Variants in ADAMTS6 observed in about 807,000 individuals in gnomAD.
The protein encoded by ADAMTS6 is A disintegrin and metalloproteinase with thrombospondin motifs 6.
A neutral mutation model predicts 144.3 loss-of-function variants in ADAMTS6; 23 were observed. The ratio of observed to expected loss-of-function variants is 0.16; its 90% CI spans 0.11 to 0.23. The LOEUF is 0.23. Among genes scored for constraint, ADAMTS6 ranks in the 10% least tolerant of loss-of-function variants. The probability of loss-of-function intolerance (pLI) is 1.00; values close to 1 mark genes in which losing one functional copy is unlikely to be tolerated. For synonymous variants in ADAMTS6, 444 were observed against 457.5 expected (o/e 0.97, Z 0.38); for missense variants, 999 against 1,379.6 (o/e 0.72, Z 4.37).
intron 24 of ADAMTS6, among the ~76,000 whole-genome samples, chr5:65,159,898 C>A (rs1268430173): frequency 1.3e-5 from 2 of 152,172 alleles, no homozygotes; most frequent in African/African-American, 2.4e-5. Context: ...AATGATAATG[C>A]TATGGTTTGG....
intron 15 of ADAMTS6, among the ~76,000 whole-genome samples, chr5:65,235,017 T>A (rs776382693): frequency 6.6e-6 from 1 of 152,168 alleles, no homozygotes; most frequent in Non-Finnish European, 1.5e-5. Context: ...CTCACTTATA[T>A]GTGGAATCTA....
intron 9 of ADAMTS6, among the ~76,000 whole-genome samples, chr5:65,301,403 A>G (rs536026961): frequency 6.6e-6 from 1 of 152,328 alleles, no homozygotes; most frequent in East Asian, 1.9e-4. Flanking sequence ...ATAGATGAGG[A>G]TAGTTGCTGG....
chr5:65,415,262 T>A (rs1304805638), intron 7 of ADAMTS6: 2 of 152,188 alleles, frequency 1.3e-5, no homozygotes, highest in East Asian at 3.9e-4. Flanking sequence ...TTTGTGAAAA[T>A]CAAATAAAAA....
chr5:65,280,487 C>A (rs1356767038), intron 11 of ADAMTS6, among the ~76,000 whole-genome samples: 1 of 152,134 alleles, frequency 6.6e-6, no homozygotes, highest in East Asian at 1.9e-4. Flanking sequence ...TTTCTTTAGG[C>A]CTTTCTAAGA....
rs759775739 is a variant in ADAMTS6, at chr5:65,262,782, C to G, written c.1766+35G>C. The G allele has an allele frequency of 2.0e-6, 3 of 1,474,810 alleles. No homozygotes were observed. In the South Asian group the frequency reaches 4.3e-5, roughly 21 times the overall value. 91.4% of individuals were successfully genotyped at this position (1,474,810 alleles called of 1,614,324 possible). On this transcript the variant is annotated intron_variant, in intron 13 of 24. Transcript: ENST00000381055. ...AGCTTTGAATCATTTCCAACTGTGTCTTTTTGTTGGCTCCGGCTTACTTTA... is the reference window on the plus strand; with the variant it reads ...AGCTTTGAATCATTTCCAACTGTGTGTTTTTGTTGGCTCCGGCTTACTTTA...
Position 65,289,897 on chromosome 5 carries a change from G to A in ADAMTS6, c.1512+1432C>T, listed in dbSNP as rs144340867. 6.9e-3 allele frequency among the ~76,000 whole-genome samples: 1,054 copies of A among 152,114 alleles called. 20 individuals carry two copies. The highest frequency in any genetic ancestry group is 0.024 in the African/African-American group (996 of 41,494). ...ATCATGAATTTCAATGTATTAATCC[G>A]TAAGTATATATAGAAAGACTATGAT... On this transcript the variant is annotated intron_variant, in intron 11 of 24. Transcript: ENST00000381055.
intron 7 of ADAMTS6, among the ~76,000 whole-genome samples, chr5:65,370,899 G>A (rs1312638508): frequency 6.6e-6 from 1 of 152,198 alleles, no homozygotes. Context: ...AGAGAGCAGT[G>A]ATTCTCCCAG....
chr5:65,323,608 T>C (rs1366892874), intron 9 of ADAMTS6, among the ~76,000 whole-genome samples: 1 of 152,162 alleles, frequency 6.6e-6, no homozygotes, highest in Non-Finnish European at 1.5e-5. Flanking sequence ...AGCAGCATGA[T>C]TTATAATCCT....
intron 7 of ADAMTS6, among the ~76,000 whole-genome samples, chr5:65,441,622 T>C (rs1757859661): frequency 6.6e-6 from 1 of 152,118 alleles, no homozygotes. Flanking sequence ...AGAATGCACA[T>C]TCTTTTCAAG....
chr5:65,281,014 T>C (rs1034958559), intron 11 of ADAMTS6, among the ~76,000 whole-genome samples: 1 of 152,126 alleles, frequency 6.6e-6, no homozygotes, highest in African/African-American at 2.4e-5. Context: ...TGTAGGGATG[T>C]TGTAGGCAGG....
In ADAMTS6 at chr5:65,317,919, A is replaced by G. The variant is rs371912445; in HGVS notation, c.1223+11459T>C. ...AAACCCTGTCTCTACTAAAAATACA[A>G]AAAAAATTAGCCGGGTGTGGTGGTG... is the stretch of plus-strand genomic sequence containing the variant. On this transcript the variant is annotated intron_variant, in intron 9 of 24. Coordinates refer to ENST00000381055, the MANE Select transcript of ADAMTS6 (RefSeq NM_197941.4). Among the ~76,000 whole-genome samples the G allele has an allele frequency of 1.5e-4, 22 of 151,722 alleles. No homozygotes were observed. The South Asian group carries it at 4.4e-3, about 30-fold the overall frequency.
intron 24 of ADAMTS6, among the ~76,000 whole-genome samples, chr5:65,163,343 G>T (rs1752904343): frequency 6.6e-6 from 1 of 152,158 alleles, no homozygotes; most frequent in African/African-American, 2.4e-5. Flanking sequence ...GGACAAAAAA[G>T]AAGTAGCAGT....
At position 65,188,135 on chromosome 5, in the gene ADAMTS6, C is replaced by T. The variant is rs562513614; in HGVS notation, c.2791G>A (p.Gly931Arg). 248 of 1,614,016 alleles carry T rather than the reference C, an allele frequency of 1.5e-4. No homozygotes were observed. The highest frequency in any genetic ancestry group is 2.0e-4 in the Non-Finnish European group (232 of 1,180,004). The change falls in exon 22 of 25, where the codon GGA becomes AGA. Residue 931 changes from glycine (G) to arginine (R), a missense_variant. Coordinates refer to ENST00000381055, the MANE Select transcript of ADAMTS6 (RefSeq NM_197941.4). ...TCCAGCGTCTCCTCCTCAGAAGGTC[C>T]GATCTTCCTGATGCAGAGCACTGCC... ...TRAVLCIRKI[G>R]PSEEETLDYS... is the part of the protein sequence containing the mutation.
At chr5:65,301,648 G>C (rs1743383186) in intron 9 of ADAMTS6, among the ~76,000 whole-genome samples, 1 of 152,088 alleles carries the variant, frequency 6.6e-6, no homozygotes, top group Non-Finnish European at 1.5e-5. Flanking sequence ...GGAGTAGTCA[G>C]AAAATCATTA....
At chr5:65,362,175 C>T (rs1749890515) in intron 7 of ADAMTS6, among the ~76,000 whole-genome samples, 1 of 152,150 alleles carries the variant, frequency 6.6e-6, no homozygotes, top group Non-Finnish European at 1.5e-5. Context: ...TAGTGATCCA[C>T]AGATTATAAA....
At chr5:65,171,454 A>G (rs1468325687) in intron 23 of ADAMTS6, among the ~76,000 whole-genome samples, 1 of 152,192 alleles carries the variant, frequency 6.6e-6, no homozygotes, top group East Asian at 1.9e-4. Flanking sequence ...AAGATAATAC[A>G]TAGAGATTTC....
At chr5:65,397,790 T>C (rs1022171751) in intron 7 of ADAMTS6, among the ~76,000 whole-genome samples, 5 of 151,230 alleles carry the variant, frequency 3.3e-5, no homozygotes, top group African/African-American at 1.2e-4. Flanking sequence ...GGTGGGAGGA[T>C]TGCTTGAGCC....
At position 65,267,528 on chromosome 5, in the gene ADAMTS6, G is replaced by A. The variant is rs148694295; in HGVS notation, c.1621-4566C>T. On this transcript the variant is annotated intron_variant, in intron 12 of 24. Transcript: ENST00000381055. ...ATGGTATATTCCAGTCAGGCTTTAA[G>A]AGCCTTCTTTAGAAACACTACTTAT... Among the ~76,000 whole-genome samples, 30 of 152,170 alleles carry A rather than the reference G, an allele frequency of 2.0e-4. 1 individual carries two copies. In the East Asian group the frequency reaches 3.1e-3, roughly 16 times the overall value.
intron 24 of ADAMTS6, among the ~76,000 whole-genome samples, chr5:65,168,049 G>A (rs887153999): frequency 1.3e-4 from 20 of 151,032 alleles, no homozygotes; most frequent in African/African-American, 4.6e-4. Context: ...TCAGGCAGGA[G>A]AAGGAAATAA....
Sources: allele counts gnomAD v4.1 joint callset (sites outside exome capture counted in the v4.1 genomes callset), GRCh38; gene constraint gnomAD v4.1.1; transcripts MANE v1.5; gene names NCBI Gene and HGNC (gene_info 2026-07-23, HGNC 2026-07-21).